ASB3: variants seen among roughly 807,000 people sequenced by gnomAD.
The protein encoded by ASB3 is ankyrin repeat and SOCS box containing 3.
A neutral mutation model predicts 54.5 loss-of-function variants in ASB3; 41 were observed. The observed-to-expected ratio is 0.75, with a 90% CI of 0.59 to 0.98. The LOEUF is 0.98. Ranked by LOEUF, ASB3 falls within the 50% of genes least tolerant of loss-of-function variation. The pLI is 0.00. For missense variants in ASB3, 733 were observed against 620.0 expected, an observed-to-expected ratio of 1.18 and a Z score of -1.94; for synonymous variants, 266 against 221.2, an observed-to-expected ratio of 1.20 and a Z score of -1.80.
chr2:53,706,338 T>A (rs1051693727), intron 7 of ASB3, among the ~76,000 whole-genome samples: 6 of 152,196 alleles, frequency 3.9e-5, no homozygotes, highest in Non-Finnish European at 8.8e-5. Context: ...CTAATAGGAG[T>A]TAGATCAAGG....
chr2:53,767,583 AGTTTTCTG>A, intron 1 of ASB3: 1 of 318,130 alleles, frequency 3.1e-6, no homozygotes, highest in Non-Finnish European at 6.0e-6. Flanking sequence ...TGGGTATTGT[AGTTTTCTG>A]CACACGGGCA....
Position 53,765,446 on chromosome 2 carries a change from C to G in ASB3, c.127G>C (p.Gly43Arg). 1.2e-6 allele frequency: 2 copies of G among 1,614,206 alleles called. No individual in the cohort carries two copies. Among genetic ancestry groups the G allele is most frequent in the Middle Eastern group, 1.6e-4 (1 of 6,062 alleles). Reference sequence around the variant, plus strand: ...GCTGCTTCATGAATTGGCATCCATCCCCTGTTATCAGCAACATCGACACTT... The same window carrying G: ...GCTGCTTCATGAATTGGCATCCATCGCCTGTTATCAGCAACATCGACACTT... ...GRSVDVADNRGWMPIHEAAYH... is the reference protein window; with the variant it reads ...GRSVDVADNRRWMPIHEAAYH... The change falls in exon 2 of 10, where the codon GGA (glycine) becomes CGA (arginine). Residue 43 changes from glycine to arginine, a missense_variant. Physicochemically the swap from Gly to Arg is moderately radical, Grantham distance 125. Coordinates refer to ENST00000263634, the MANE Select transcript of ASB3 (RefSeq NM_016115.5).
At chr2:53,766,801 T>C (rs1572998376) in intron 1 of ASB3, among the ~76,000 whole-genome samples, 1 of 152,308 alleles carries the variant, frequency 6.6e-6, no homozygotes, top group East Asian at 1.9e-4. Context: ...TTTTTTTTGT[T>C]TGTTTGTCTG....
chr2:53,737,206 A>G (rs1019500193), intron 3 of ASB3, among the ~76,000 whole-genome samples: 2 of 152,120 alleles, frequency 1.3e-5, no homozygotes, highest in African/African-American at 4.8e-5. Context: ...AGAGAAGTGA[A>G]ACACAAGAGA....
Position 53,771,883 on chromosome 2 carries a change from T to A in ASB3, c.-13-6298A>T, listed in dbSNP as rs200858714. On this transcript the variant is annotated intron_variant, in intron 1 of 9. Transcript: ENST00000263634. Reference sequence around the variant, plus strand: ...AATGAACTTTATTAATTCAGAAAAATTTTTTTTTACCTTTTTAAAACAGCC... The same window carrying A: ...AATGAACTTTATTAATTCAGAAAAAATTTTTTTTACCTTTTTAAAACAGCC... The A allele has an allele frequency of 7.6e-4, 1,075 of 1,421,898 alleles. 3 individuals carry two copies. Among genetic ancestry groups the A allele is most frequent in the African/African-American group, 6.2e-3 (430 of 69,616 alleles). The allele number at this position is 1,421,898 out of a possible 1,614,324, so 88.1% of individuals were successfully genotyped here.
At chr2:53,695,528 T>G (rs1275425042) in intron 8 of ASB3, among the ~76,000 whole-genome samples, 1 of 152,112 alleles carries the variant, frequency 6.6e-6, no homozygotes, top group African/African-American at 2.4e-5. Context: ...CTTAATGCAC[T>G]TTAGGTCTTA....
chr2:53,756,398 A>AT (rs11441322), intron 2 of ASB3, among the ~76,000 whole-genome samples: 13,198 of 152,200 alleles, frequency 0.087, 716 homozygotes, highest in African/African-American at 0.17. Context: ...TTAACATAGC[A>AT]TACAATTTAG....
At chr2:53,750,677 A>G (rs1387664439) in intron 3 of ASB3, 106 bp downstream of exon 3, 1 of 1,247,918 alleles carries the variant, frequency 8.0e-7, no homozygotes, top group Non-Finnish European at 1.0e-6. Context: ...ATAGTTGCCA[A>G]AAGAACATAC....
intron 5 of ASB3, among the ~76,000 whole-genome samples, chr2:53,727,316 A>C (rs1293415106): frequency 6.6e-6 from 1 of 152,180 alleles, no homozygotes; most frequent in Non-Finnish European, 1.5e-5. Flanking sequence ...GAAGGTTTCT[A>C]AAAGAAAGCA....
intron 9 of ASB3, among the ~76,000 whole-genome samples, chr2:53,673,818 A>C (rs559601806): frequency 6.6e-6 from 1 of 152,234 alleles, no homozygotes; most frequent in Admixed American, 6.5e-5. Context: ...TTCAAATTTT[A>C]ATTGCACCAT....
chr2:53,743,458 G>A (rs560529772), intron 3 of ASB3, among the ~76,000 whole-genome samples: 7 of 152,252 alleles, frequency 4.6e-5, no homozygotes, highest in Admixed American at 1.3e-4. Context: ...CTATTTAACC[G>A]TGGAACTAAG....
chr2:53,693,779 T>G, intron 9 of ASB3, 105 bp downstream of exon 9: 1 of 1,457,854 alleles, frequency 6.9e-7, no homozygotes, highest in South Asian at 1.5e-5. Context: ...AAATTATGTC[T>G]AATTTGTGTT....
intron 2 of ASB3, among the ~76,000 whole-genome samples, chr2:53,756,199 ATAAGG>A (rs1291794207): frequency 2.6e-5 from 4 of 152,088 alleles, no homozygotes; most frequent in African/African-American, 9.7e-5. Context: ...AAAAATAAAA[ATAAGG>A]TAAGTCTAGA....
chr2:53,701,815 A>G (rs1669509949), intron 7 of ASB3, among the ~76,000 whole-genome samples: 1 of 152,186 alleles, frequency 6.6e-6, no homozygotes, highest in Non-Finnish European at 1.5e-5. Flanking sequence ...AAAGCAAACA[A>G]AAGTATAAAA....
chr2:53,703,680 A>T (rs1034479953), intron 7 of ASB3, among the ~76,000 whole-genome samples: 1 of 152,228 alleles, frequency 6.6e-6, no homozygotes, highest in Non-Finnish European at 1.5e-5. Context: ...TATTTATAAA[A>T]GTAGATAAAA....
Position 53,750,938 on chromosome 2 carries a change from G to C in ASB3, c.200C>G (p.Ser67Ter). Residue 67 changes from serine (S) to a stop codon, truncating the protein, a stop_gained, in exon 3 of 10, where the codon TCA becomes TGA. Coordinates refer to ENST00000263634, the MANE Select transcript of ASB3 (RefSeq NM_016115.5). LOFTEE classifies it high-confidence loss of function. ...ECLQMLINAD[S>*]SENYIKMKTF... ...CTTCATCTTAATGTAGTTTTCAGAT[G>C]AATCTGTGGAAGAATCAAAGCCCAT... is the stretch of plus-strand genomic sequence containing the variant. 3 of 1,540,556 alleles carry C rather than the reference G, an allele frequency of 1.9e-6. No homozygotes were observed. Among genetic ancestry groups the C allele is most frequent in the Non-Finnish European group, 2.6e-6 (3 of 1,145,132 alleles).
rs1671370968 is a variant in ASB3, at chr2:53,732,394, ATC to A, written c.356-2826_356-2825del. Among the ~76,000 whole-genome samples the A allele has an allele frequency of 3.9e-5, 6 of 152,246 alleles. 1 individual carries two copies. In the South Asian group the frequency reaches 1.0e-3, roughly 26 times the overall value. ...GGGTGGAGGTCATAAAAGGAAAAAAATCTGTTTCATATCAAATTCATACATCA... is the reference window on the plus strand; with the variant it reads ...GGGTGGAGGTCATAAAAGGAAAAAAATGTTTCATATCAAATTCATACATCA... On this transcript the variant is annotated intron_variant, in intron 3 of 9. Coordinates refer to ENST00000263634, the MANE Select transcript of ASB3 (RefSeq NM_016115.5).
chr2:53,713,201 T>G (rs903541001), intron 7 of ASB3, among the ~76,000 whole-genome samples: 6 of 152,148 alleles, frequency 3.9e-5, no homozygotes, highest in Admixed American at 2.6e-4. Context: ...AAACAAATTA[T>G]AGTGAACTAC....
chr2:53,760,137 A>G (rs1206541529), intron 2 of ASB3, among the ~76,000 whole-genome samples: 1 of 152,162 alleles, frequency 6.6e-6, no homozygotes, highest in East Asian at 1.9e-4. Context: ...CTCCTTTGTT[A>G]GGGAGAGACA....
Sources: gnomAD v4.1 joint callset for allele counts (sites outside exome capture counted in the v4.1 genomes callset) on GRCh38, gnomAD v4.1.1 for gene constraint, MANE v1.5 for transcripts, NCBI Gene and HGNC (gene_info 2026-07-23, HGNC 2026-07-21) for gene names.